The following ULK3 variants were observed in gnomAD, a reference collection of about 807,000 sequenced individuals.
ULK3 encodes the protein unc-51 like kinase 3.
In ULK3, 54 loss-of-function variants were observed where a neutral mutation model predicts 69.4. The ratio of observed to expected loss-of-function variants is 0.78; its 90% CI spans 0.63 to 0.98. The LOEUF is 0.98. Among genes scored for constraint, ULK3 ranks in the 50% least tolerant of loss-of-function variants. The probability of loss-of-function intolerance (pLI) is 0.00; values close to 1 mark genes in which losing one functional copy is unlikely to be tolerated. For missense variants in ULK3, 558 were observed against 627.7 expected, an observed-to-expected ratio of 0.89 and a Z score of 1.19; for synonymous variants, 240 against 254.5, an observed-to-expected ratio of 0.94 and a Z score of 0.54.
At chr15:74,838,610 G>C in intron 10 of ULK3, 33 bp downstream of exon 10, 1 of 1,594,514 alleles carries the variant, frequency 6.3e-7, no homozygotes, top group Non-Finnish European at 8.6e-7. Context: ...GGTTTGCTGG[G>C]GGCCCTGGGG....
At position 74,837,164 on chromosome 15, in the gene ULK3, G is replaced by A. The variant is rs191785793; in HGVS notation, c.*64C>T. On this transcript the variant is annotated 3_prime_UTR_variant, in exon 16 of 16. Coordinates refer to ENST00000440863, the MANE Select transcript of ULK3 (RefSeq NM_001099436.4). ...TGCAGTGGGCCACTTCATTCTTGGCGTCAGCCTGGGTTAGTGCCCCTCTGC... is the reference window on the plus strand; with the variant it reads ...TGCAGTGGGCCACTTCATTCTTGGCATCAGCCTGGGTTAGTGCCCCTCTGC... 693 of 1,509,382 alleles carry A rather than the reference G, an allele frequency of 4.6e-4. 5 individuals are homozygous for A. The African/African-American group carries it at 8.7e-3, about 19-fold the overall frequency. The allele number at this position is 1,509,382 out of a possible 1,614,324, so 93.5% of individuals were successfully genotyped here.
rs1031730365 is a variant in ULK3, at chr15:74,840,501, A to T, written c.610T>A (p.Tyr204Asn). ...VDLWSMGVIL[Y>N]EALFGQPPFA... ...AAGCAGGGAAAAGAGGTCTCACCAT[A>T]CAGGATGACCCCCATGGACCAGAGG... The change falls in exon 5 of 16, where the codon TAT becomes AAT. Residue 204 changes from tyrosine to asparagine, a missense_variant. By Grantham distance (143) the Tyr-to-Asn change is moderately radical (BLOSUM62 -2). Coordinates refer to ENST00000440863, the MANE Select transcript of ULK3 (RefSeq NM_001099436.4). The T allele has an allele frequency of 1.2e-6, 2 of 1,605,902 alleles. No individual in the cohort carries two copies. Among genetic ancestry groups the T allele is most frequent in the African/African-American group, 1.3e-5 (1 of 74,826 alleles).
Position 74,842,301 on chromosome 15 carries a change from A to G in ULK3, c.222T>C (p.Ile74=). 6.2e-7 allele frequency: 1 copy of G among 1,613,936 alleles called. No homozygotes were observed. The highest frequency in any genetic ancestry group is 1.6e-4 in the Middle Eastern group (1 of 6,062). The change falls in exon 2 of 16, where the codon ATT becomes ATC. Residue 74 remains isoleucine, a synonymous_variant. Transcript: ENST00000440863. This position sits in a 1 kb window ranked among gnomAD's most constrained non-coding sequence, Gnocchi z 4.9. ...EILKGIRHPH[I]VQLKDFQWDS... is the part of the protein sequence containing the mutation. ...ACACCTGAAAGTCTTTCAGCTGCAC[A>G]ATGTGGGGATGTCGAATGCCCTTGA...
chr15:74,842,283 A>T lies in ULK3; in HGVS notation c.240T>A (p.Phe80Leu), dbSNP rs748276010. The T allele has an allele frequency of 6.2e-7, 1 of 1,613,860 alleles. No homozygotes were observed. Among genetic ancestry groups the T allele is most frequent in the African/African-American group, 1.3e-5 (1 of 74,910 alleles). The change falls in exon 2 of 16, where the codon TTT becomes TTA. Residue 80 changes from phenylalanine (F) to leucine (L), a missense_variant. By Grantham distance (22) the Phe-to-Leu change is conservative. Transcript: ENST00000440863. This position sits in a 1 kb window ranked among gnomAD's most constrained non-coding sequence, Gnocchi z 4.9. ...RHPHIVQLKD[F>L]QWDSDNIYLI... Reference sequence around the variant, plus strand: ...CGGCCCCGCCCCAGGCTCACACCTGAAAGTCTTTCAGCTGCACAATGTGGG... The same window carrying T: ...CGGCCCCGCCCCAGGCTCACACCTGTAAGTCTTTCAGCTGCACAATGTGGG...
At chr15:74,841,143 C>G (rs1350738459) in intron 4 of ULK3, among the ~76,000 whole-genome samples, 1 of 152,152 alleles carries the variant, frequency 6.6e-6, no homozygotes, top group Non-Finnish European at 1.5e-5. Flanking sequence ...CAGATTGACC[C>G]CTAAACCTGG....
rs776105875 is a variant in ULK3 at position 74,842,437 on chromosome 15, T to A, written c.103-17A>T. 7 of 1,613,660 alleles carry A rather than the reference T, an allele frequency of 4.3e-6. No individual in the cohort carries two copies. The highest frequency in any genetic ancestry group is 5.9e-6 in the Non-Finnish European group (7 of 1,179,888). On this transcript the variant is annotated splice_polypyrimidine_tract_variant and intron_variant, in intron 1 of 15. Transcript: ENST00000440863. This position sits in a 1 kb window ranked among gnomAD's most constrained non-coding sequence, Gnocchi z 4.9. ...AGTGTCCTTCTGCGAGACAGGAGATTTGGGGACTCTGCCTTGAGGGGGCCA... is the reference window on the plus strand; with the variant it reads ...AGTGTCCTTCTGCGAGACAGGAGATATGGGGACTCTGCCTTGAGGGGGCCA...
Position 74,842,257 on chromosome 15 carries a change from G to A in ULK3, c.243+23C>T, listed in dbSNP as rs780954594. On this transcript the variant is annotated intron_variant, in intron 2 of 15. Transcript: ENST00000440863. This position sits in a 1 kb window ranked among gnomAD's most constrained non-coding sequence, Gnocchi z 4.9. ...GTCCCTTCTCCAGCTCCCTTTGGCA[G>A]CGGCCCCGCCCCAGGCTCACACCTG... 6.2e-7 allele frequency: 1 copy of A among 1,613,902 alleles called. No individual in the cohort carries two copies.
At position 74,843,077 on chromosome 15, in the gene ULK3, C is replaced by A. The variant is rs1243794262; in HGVS notation, c.29G>T (p.Arg10Leu). 1.4e-6 allele frequency: 2 copies of A among 1,414,764 alleles called. No homozygotes were observed. The highest frequency in any genetic ancestry group is 1.9e-6 in the Non-Finnish European group (2 of 1,074,200). 87.6% of individuals were successfully genotyped at this position (1,414,764 alleles called of 1,614,324 possible). A position where few individuals can be genotyped will look rare whatever the true frequency, so the allele number is the denominator to read the frequency against. The stretch of plus-strand genomic sequence containing the variant: ...CTCGGTGAGGATGAAGCCGTCCAGG[C>A]GCGGGGGACCCCAGCCGGGCCCCGC... MAGPGWGPP[R>L]LDGFILTERL... is the part of the protein sequence containing the mutation. Residue 10 changes from arginine (R) to leucine (L), a missense_variant, in exon 1 of 16, where the codon CGC becomes CTC. Transcript: ENST00000440863.
At position 74,843,079 on chromosome 15, in the gene ULK3, C is replaced by CG; in HGVS notation, c.26dup (p.Arg10AlafsTer30). The CG allele has an allele frequency of 7.1e-7, 1 of 1,409,308 alleles. No homozygotes were observed. The allele number at this position is 1,409,308 out of a possible 1,614,324, so 87.3% of individuals were successfully genotyped here. A position where few individuals can be genotyped will look rare whatever the true frequency, so the allele number is the denominator to read the frequency against. On this transcript the variant is annotated frameshift_variant, in exon 1 of 16. Transcript: ENST00000440863. LOFTEE classifies it high-confidence loss of function. ...CGGTGAGGATGAAGCCGTCCAGGCG[C>CG]GGGGGACCCCAGCCGGGCCCCGCCA...
chr15:74,839,075 G>A, intron 8 of ULK3, 25 bp from the exon 9 acceptor site: 1 of 1,593,236 alleles, frequency 6.3e-7, no homozygotes, highest in Non-Finnish European at 8.5e-7. Context: ...GTCATATGAG[G>A]AGTCTGGGCG....
chr15:74,838,354 C>T lies in ULK3; in HGVS notation c.1168-10G>A. On this transcript the variant is annotated splice_polypyrimidine_tract_variant and intron_variant, in intron 11 of 15. Transcript: ENST00000440863. Reference sequence around the variant, plus strand: ...CGCCGGCGGCCTCCTCCTGCAGCCACAAGGACACCAGGCTGCTTAGGGTCA... The same window carrying T: ...CGCCGGCGGCCTCCTCCTGCAGCCATAAGGACACCAGGCTGCTTAGGGTCA... The T allele has an allele frequency of 6.4e-7, 1 of 1,568,312 alleles. No individual in the cohort carries two copies. The highest frequency in any genetic ancestry group is 8.6e-7 in the Non-Finnish European group (1 of 1,156,746).
rs773578833 is a variant in ULK3, at chr15:74,842,684, TC to T, written c.103-265del. On this transcript the variant is annotated intron_variant, in intron 1 of 15. Transcript: ENST00000440863. The surrounding 1 kb of genome is among the most constrained non-coding windows in gnomAD (Gnocchi z 4.9). ...TCCATTTCTTTGCATTCTGGAGTGC[TC>T]CCGGCAGAGGCATGTCACTCAGGGT... The T allele has an allele frequency of 7.8e-5, 119 of 1,534,890 alleles. No homozygotes were observed. The highest frequency in any genetic ancestry group is 9.7e-5 in the Non-Finnish European group (111 of 1,146,236).
Position 74,838,429 on chromosome 15 carries a change from C to G in ULK3, c.1167+11G>C, listed in dbSNP as rs753430920. On this transcript the variant is annotated intron_variant, in intron 11 of 15. Transcript: ENST00000440863. ...CCCCGACCCACCTGGACCCCTCCCA[C>G]TGGCACAAACCTTGGCCATGGCAGC... 2.5e-6 allele frequency: 4 copies of G among 1,571,876 alleles called. No homozygotes were observed. Among genetic ancestry groups the G allele is most frequent in the Admixed American group, 1.9e-5 (1 of 53,990 alleles).
At chr15:74,838,111 G>C (rs867981057) in intron 13 of ULK3, 41 bp downstream of exon 13, 2 of 1,549,322 alleles carry the variant, frequency 1.3e-6, no homozygotes, top group African/African-American at 1.4e-5. Flanking sequence ...CAGAGAAAGG[G>C]GAAGAGGAAG....
chr15:74,843,026 G>T lies in ULK3; in HGVS notation c.80C>A (p.Thr27Lys), dbSNP rs373520078. The T allele has an allele frequency of 1.3e-6, 2 of 1,533,760 alleles. No homozygotes were observed. Among genetic ancestry groups the T allele is most frequent in the Non-Finnish European group, 1.8e-6 (2 of 1,138,828 alleles). ...CACCTTGGCGTAGGCCTTGTACACC[G>T]TGGCGTACGTGCCGCTGCCCAGGCG... ...TERLGSGTYA[T>K]VYKAYAKKDT... Residue 27 changes from threonine to lysine, a missense_variant, in exon 1 of 16, where the codon ACG (threonine) becomes AAG (lysine). Transcript: ENST00000440863.
chr15:74,837,840 C>A, intron 13 of ULK3, 42 bp from the exon 14 acceptor site: 2 of 1,478,686 alleles, frequency 1.4e-6, no homozygotes, highest in Non-Finnish European at 1.9e-6. Context: ...GGGAGAGTGG[C>A]GGGGGGTGGG....
intron 3 of ULK3, 44 bp from the exon 4 acceptor site, chr15:74,841,553 C>A (rs752805173): frequency 6.4e-7 from 1 of 1,559,354 alleles, no homozygotes; most frequent in East Asian, 2.3e-5. Context: ...AGAGCCCATT[C>A]CCGCCTGCCT....
chr15:74,841,336 T>C (rs1428831501), intron 4 of ULK3, 69 bp downstream of exon 4: 9 of 1,346,732 alleles, frequency 6.7e-6, no homozygotes, highest in Admixed American at 1.8e-5. Flanking sequence ...CCAGGGCTGC[T>C]GAGTGAGCCC....
chr15:74,838,698 G>A lies in ULK3; in HGVS notation c.1047C>T (p.Ser349=). Residue 349 remains serine, a synonymous_variant, in exon 10 of 16, where the codon TCC becomes TCT. Transcript: ENST00000440863. ...GCCTCAGCAGGGCCTGATTGGAAGA[G>A]GAGACGATGGCCTTGAGCTCCTCAG... ...SRAEELKAIV[S]SSNQALLRQG... The A allele has an allele frequency of 1.9e-6, 3 of 1,612,748 alleles. No homozygotes were observed. The highest frequency in any genetic ancestry group is 1.1e-5 in the South Asian group (1 of 90,784).
Sources: gnomAD v4.1 joint callset for allele counts (sites outside exome capture counted in the v4.1 genomes callset) on GRCh38, gnomAD v4.1.1 for gene constraint, Gnocchi (gnomAD v3.1) non-coding constraint, MANE v1.5 for transcripts, NCBI Gene and HGNC (gene_info 2026-07-23, HGNC 2026-07-21) for gene names.